Variants in SCHIP1 observed in about 807,000 individuals in gnomAD.
The protein encoded by SCHIP1 is schwannomin-interacting protein 1.
Under a neutral mutation model 29.7 loss-of-function variants are expected in SCHIP1, and 8 were observed. The observed-to-expected ratio is 0.27, with a 90% CI of 0.16 to 0.49. The LOEUF is 0.49. SCHIP1 is among the 20% of genes least tolerant of loss of function. SCHIP1 has a pLI of 0.99. For synonymous variants in SCHIP1, 76 were observed against 94.9 expected (o/e 0.80, Z 1.16); for missense variants, 193 against 294.6 (o/e 0.66, Z 2.52).
At chr3:159,865,492 A>T (rs1189504676) in intron 1 of SCHIP1, among the ~76,000 whole-genome samples, 1 of 152,184 alleles carries the variant, frequency 6.6e-6, no homozygotes, top group Non-Finnish European at 1.5e-5. Context: ...TATGAAACAG[A>T]TGGGCCCAAC....
the SCHIP1 span, among the ~76,000 whole-genome samples, chr3:159,769,050 G>C: frequency 1.4e-4 from 22 of 152,156 alleles, no homozygotes; most frequent in Non-Finnish European, 2.9e-5. Flanking sequence ...TTCTGGGGTT[G>C]GTGCCTTTGA....
chr3:159,291,532 A>ACAAT, the SCHIP1 span, among the ~76,000 whole-genome samples: 2 of 152,272 alleles, frequency 1.3e-5, no homozygotes, highest in South Asian at 4.1e-4. Context: ...ATGATCTAAG[A>ACAAT]CAATCATGAA....
chr3:159,470,894 A>G, the SCHIP1 span, among the ~76,000 whole-genome samples: 14 of 152,118 alleles, frequency 9.2e-5, no homozygotes, highest in African/African-American at 3.4e-4. Flanking sequence ...GACTCAAAAG[A>G]CTATCTCATG....
the SCHIP1 span, among the ~76,000 whole-genome samples, chr3:159,365,029 G>T: frequency 6.6e-6 from 1 of 152,134 alleles, no homozygotes; most frequent in African/African-American, 2.4e-5. Flanking sequence ...CCACACACTA[G>T]CTCTTAAATC....
chr3:159,559,435 C>T, the SCHIP1 span, among the ~76,000 whole-genome samples: 2 of 152,122 alleles, frequency 1.3e-5, no homozygotes, highest in African/African-American at 4.8e-5. Flanking sequence ...CTTGCTTTGC[C>T]ACAAATCTGT....
chr3:159,727,929 T>A, the SCHIP1 span, among the ~76,000 whole-genome samples: 3 of 152,118 alleles, frequency 2.0e-5, no homozygotes, highest in Non-Finnish European at 2.9e-5. Flanking sequence ...TTGTTGTTTT[T>A]TTTTTTGGTT....
the SCHIP1 span, among the ~76,000 whole-genome samples, chr3:159,336,307 C>A: frequency 6.6e-6 from 1 of 151,922 alleles, no homozygotes; most frequent in South Asian, 2.1e-4. Context: ...CTGTTCACTC[C>A]GATGGTAGTT....
the SCHIP1 span, chr3:159,764,188 C>G: frequency 2.3e-6 from 1 of 440,178 alleles, no homozygotes; most frequent in Non-Finnish European, 4.0e-6. The surrounding 1 kb of genome is among the most constrained non-coding windows in gnomAD (Gnocchi z 6.1). Context: ...GAAAAGTGTG[C>G]GCGCTGGTGG....
chr3:159,382,088 T>C, the SCHIP1 span, among the ~76,000 whole-genome samples: 1 of 151,956 alleles, frequency 6.6e-6, no homozygotes, highest in African/African-American at 2.4e-5. Context: ...ATAGCCACAC[T>C]TACTTTTTTT....
At chr3:159,701,974 T>A in the SCHIP1 span, among the ~76,000 whole-genome samples, 1 of 152,146 alleles carries the variant, frequency 6.6e-6, no homozygotes, top group African/African-American at 2.4e-5. Context: ...ATCTGTAAAA[T>A]GTAGATGATG....
chr3:159,301,887 A>T, the SCHIP1 span, among the ~76,000 whole-genome samples: 1 of 152,256 alleles, frequency 6.6e-6, no homozygotes, highest in South Asian at 2.1e-4. Flanking sequence ...TAGGGAAAAA[A>T]CTTCATTATA....
At chr3:159,630,859 G>C in the SCHIP1 span, among the ~76,000 whole-genome samples, 1 of 152,006 alleles carries the variant, frequency 6.6e-6, no homozygotes, top group African/African-American at 2.4e-5. Context: ...TTCCCCAAAA[G>C]CCTATTGAAA....
At chr3:159,603,343 T>C in the SCHIP1 span, among the ~76,000 whole-genome samples, 3 of 152,182 alleles carry the variant, frequency 2.0e-5, no homozygotes, top group Non-Finnish European at 4.4e-5. Flanking sequence ...CTTCATTACA[T>C]AGACATGATT....
At chr3:159,475,135 T>C in the SCHIP1 span, among the ~76,000 whole-genome samples, 8 of 152,260 alleles carry the variant, frequency 5.3e-5, no homozygotes, top group African/African-American at 1.9e-4. Context: ...TACATGAATG[T>C]TCACAGCAGC....
chr3:159,763,201 A>T, the SCHIP1 span, among the ~76,000 whole-genome samples: 1 of 151,602 alleles, frequency 6.6e-6, no homozygotes, highest in Non-Finnish European at 1.5e-5. Flanking sequence ...GAGGGAGAGG[A>T]AGCGGCGAGG....
At chr3:159,569,091 C>T in the SCHIP1 span, among the ~76,000 whole-genome samples, 2 of 152,124 alleles carry the variant, frequency 1.3e-5, no homozygotes, top group Non-Finnish European at 2.9e-5. Flanking sequence ...TTTTTCCTTT[C>T]AACCTTCCTG....
the SCHIP1 span, among the ~76,000 whole-genome samples, chr3:159,405,871 A>T: frequency 6.9e-6 from 1 of 144,544 alleles, no homozygotes; most frequent in Non-Finnish European, 1.5e-5. Flanking sequence ...CAATAGAGTG[A>T]GACTCTGTCA....
the SCHIP1 span, among the ~76,000 whole-genome samples, chr3:159,378,844 A>G: frequency 6.6e-6 from 1 of 152,300 alleles, no homozygotes; most frequent in East Asian, 1.9e-4. Flanking sequence ...CAAAATTCCT[A>G]TTGCTGCTCT....
the SCHIP1 span, among the ~76,000 whole-genome samples, chr3:159,508,428 C>T: frequency 6.6e-6 from 1 of 152,138 alleles, no homozygotes; most frequent in East Asian, 1.9e-4. Flanking sequence ...CTCCTGGATT[C>T]ATTGATTTTT....
Sources: allele counts gnomAD v4.1 joint callset (sites outside exome capture counted in the v4.1 genomes callset), GRCh38; gene constraint gnomAD v4.1.1; non-coding constraint Gnocchi (gnomAD v3.1); transcripts MANE v1.5; gene names NCBI Gene and HGNC (gene_info 2026-07-23, HGNC 2026-07-21).